GAB2: variants seen among roughly 807,000 people sequenced by gnomAD.
GAB2 encodes GRB2 associated binding protein 2.
Under a neutral mutation model 65.5 loss-of-function variants are expected in GAB2, and 26 were observed. That is an observed-to-expected ratio of 0.40 (90% CI 0.29 to 0.55). GAB2 has a LOEUF of 0.55. Among genes scored for constraint, GAB2 ranks in the 20% least tolerant of loss-of-function variants. GAB2 has a pLI of 0.53. For missense variants in GAB2, 884 were observed against 875.8 expected (o/e 1.01, Z -0.12); for synonymous variants, 321 against 329.6 (o/e 0.97, Z 0.28).
chr11:78,380,437 C>T (rs189058494), intron 1 of GAB2, among the ~76,000 whole-genome samples: 59 of 152,192 alleles, frequency 3.9e-4, no homozygotes, highest in Non-Finnish European at 7.1e-4. Context: ...ATCTCTTGAC[C>T]GCGTGATCCG....
intron 1 of GAB2, among the ~76,000 whole-genome samples, chr11:78,393,284 C>T (rs1167903406): frequency 2.0e-5 from 3 of 152,192 alleles, no homozygotes; most frequent in African/African-American, 4.8e-5. Context: ...GATTCCCCCG[C>T]TCTAGTTATT....
intron 1 of GAB2, among the ~76,000 whole-genome samples, chr11:78,390,538 A>T (rs537145145): frequency 1.3e-5 from 2 of 152,310 alleles, no homozygotes; most frequent in Non-Finnish European, 2.9e-5. Context: ...GCAGCAAGTC[A>T]AGATGGTGCC....
Position 78,215,826 on chromosome 11 carries a change from A to G in GAB2, c.*3446T>C, listed in dbSNP as rs1461205235. On this transcript the variant is annotated 3_prime_UTR_variant, in exon 10 of 10. Transcript: ENST00000361507. ...ACCAGTCTGGCTTCCCCTGCATTTT[A>G]TGAAGGCCCAGATGGGGAAGGAAGA... 2.0e-5 allele frequency: 3 copies of G among 152,706 alleles called. No individual in the cohort carries two copies. Among genetic ancestry groups the G allele is most frequent in the Non-Finnish European group, 2.9e-5 (2 of 68,076 alleles). 9.5% of individuals were successfully genotyped at this position (152,706 alleles called of 1,614,324 possible).
chr11:78,242,505 AC>A (rs201985982), intron 3 of GAB2, among the ~76,000 whole-genome samples: 4,688 of 151,098 alleles, frequency 0.031, 191 homozygotes, highest in African/African-American at 0.11. Context: ...CCGTCTCAAA[AC>A]AAAAAAAAAA....
chr11:78,326,148 T>C (rs1038916144), intron 1 of GAB2, among the ~76,000 whole-genome samples: 1 of 152,252 alleles, frequency 6.6e-6, no homozygotes, highest in Non-Finnish European at 1.5e-5. Context: ...CTTTGCTTTA[T>C]TCCACTTATA....
chr11:78,409,483 C>T (rs1290100013), intron 1 of GAB2, among the ~76,000 whole-genome samples: 2 of 152,134 alleles, frequency 1.3e-5, no homozygotes, highest in African/African-American at 4.8e-5. Flanking sequence ...ACTTGGGAGG[C>T]TGAGGCAGGA....
intron 2 of GAB2, among the ~76,000 whole-genome samples, chr11:78,278,711 C>A (rs929771420): frequency 1.4e-5 from 2 of 142,108 alleles, no homozygotes; most frequent in African/African-American, 2.8e-5. Context: ...TTATTCCCCA[C>A]CCCCAACATT....
intron 3 of GAB2, among the ~76,000 whole-genome samples, chr11:78,238,358 T>C (rs1865042742): frequency 6.6e-6 from 1 of 151,570 alleles, no homozygotes. Flanking sequence ...TAATCAAGTA[T>C]GGTGGCATAT....
intron 1 of GAB2, among the ~76,000 whole-genome samples, chr11:78,287,768 C>T (rs761127953): frequency 2.0e-4 from 31 of 151,620 alleles, no homozygotes; most frequent in African/African-American, 4.6e-4. Flanking sequence ...TGTGCCTCAG[C>T]CTCCCAAGTA....
At chr11:78,244,181 C>T (rs1042618952) in intron 3 of GAB2, among the ~76,000 whole-genome samples, 17 of 152,046 alleles carry the variant, frequency 1.1e-4, no homozygotes, top group African/African-American at 4.1e-4. Flanking sequence ...TCCTTGAGGT[C>T]AGGAGTTCAA....
chr11:78,363,270 T>C (rs1856457269), intron 1 of GAB2, among the ~76,000 whole-genome samples: 1 of 152,224 alleles, frequency 6.6e-6, no homozygotes, highest in South Asian at 2.1e-4. Context: ...CTAACACTAA[T>C]GGCTTTGTCA....
At chr11:78,223,808 T>C in intron 5 of GAB2, 132 bp from the exon 6 acceptor site, 1 of 711,820 alleles carries the variant, frequency 1.4e-6, no homozygotes, top group East Asian at 2.8e-5. Context: ...AAGGGAGACC[T>C]TGGGGAGACC....
chr11:78,391,635 G>A lies in GAB2; in HGVS notation c.75+26011C>T, dbSNP rs896851014. ...TCTCATCAACAACTGCAGCTGAGCA[G>A]AGCCTTTGAGTCATCCCAGCCCTGG... On this transcript the variant is annotated intron_variant, in intron 1 of 9. Transcript: ENST00000361507. Among the ~76,000 whole-genome samples the A allele has an allele frequency of 3.9e-5, 6 of 152,180 alleles. 1 individual carries two copies. Among genetic ancestry groups the A allele is most frequent in the Non-Finnish European group, 8.8e-5 (6 of 68,032 alleles).
intron 1 of GAB2, among the ~76,000 whole-genome samples, chr11:78,293,584 G>A (rs1866740021): frequency 6.6e-6 from 1 of 152,104 alleles, no homozygotes; most frequent in Admixed American, 6.5e-5. Context: ...AGGCTTCAAG[G>A]AGTAGATCAT....
intron 1 of GAB2, among the ~76,000 whole-genome samples, chr11:78,311,366 T>C (rs1263971901): frequency 2.0e-5 from 3 of 152,040 alleles, no homozygotes; most frequent in African/African-American, 7.3e-5. Flanking sequence ...CCTAACCAGG[T>C]TGTTACAAGA....
intron 1 of GAB2, among the ~76,000 whole-genome samples, chr11:78,398,142 CT>C (rs1402672663): frequency 5.9e-5 from 9 of 152,214 alleles, no homozygotes; most frequent in African/African-American, 2.2e-4. Context: ...AAACTTAGCA[CT>C]TTCCCCTGCT....
At chr11:78,228,343 C>A (rs550651543) in intron 3 of GAB2, among the ~76,000 whole-genome samples, 2 of 152,172 alleles carry the variant, frequency 1.3e-5, no homozygotes, top group Non-Finnish European at 2.9e-5. Flanking sequence ...AAAAAAGAAT[C>A]AATCCTTTGT....
chr11:78,270,331 C>CT (rs1436283702), intron 2 of GAB2, among the ~76,000 whole-genome samples: 1 of 131,580 alleles, frequency 7.6e-6, no homozygotes, highest in Non-Finnish European at 1.6e-5. Context: ...GAGACTCCGT[C>CT]TTAAAAAAAA....
chr11:78,252,833 G>C (rs1442523340), intron 2 of GAB2, among the ~76,000 whole-genome samples: 4 of 151,856 alleles, frequency 2.6e-5, no homozygotes, highest in Non-Finnish European at 4.4e-5. Flanking sequence ...TTCATCACTC[G>C]TGTTCCCTGT....
Sources: gnomAD v4.1 joint callset for allele counts (sites outside exome capture counted in the v4.1 genomes callset) on GRCh38, gnomAD v4.1.1 for gene constraint, MANE v1.5 for transcripts, NCBI Gene and HGNC (gene_info 2026-07-23, HGNC 2026-07-21) for gene names.